The following GRIP1 variants were observed in gnomAD, a reference collection of about 807,000 sequenced individuals.
GRIP1 encodes glutamate receptor-interacting protein 1.
Under a neutral mutation model 129.9 loss-of-function variants are expected in GRIP1, and 45 were observed. That is an observed-to-expected ratio of 0.35 (90% confidence interval 0.27 to 0.44). The LOEUF (loss-of-function observed/expected upper bound fraction) is 0.44, where lower values mean the gene tolerates loss of function less well. GRIP1 is among the 20% of genes least tolerant of loss of function. GRIP1 has a pLI of 1.00. For synonymous variants in GRIP1, 530 were observed against 520.8 expected, an observed-to-expected ratio of 1.02 and a Z score of -0.24; for missense variants, 1,196 against 1,396.8, an observed-to-expected ratio of 0.86 and a Z score of 2.29.
intron 2 of GRIP1, among the ~76,000 whole-genome samples, chr12:66,562,470 C>T (rs559659818): frequency 1.2e-4 from 19 of 152,190 alleles, no homozygotes; most frequent in Admixed American, 6.5e-4. Flanking sequence ...CTTTATGAAG[C>T]TTGAAGAAAT....
chr12:66,735,127 G>A (rs190613868), intron 1 of GRIP1, among the ~76,000 whole-genome samples: 2 of 152,218 alleles, frequency 1.3e-5, no homozygotes, highest in Non-Finnish European at 2.9e-5. Flanking sequence ...CAGCAGTGAT[G>A]GGAAGCAAAA....
intron 1 of GRIP1, among the ~76,000 whole-genome samples, chr12:66,941,470 T>C (rs148601485): frequency 1.8e-3 from 280 of 152,286 alleles, no homozygotes; most frequent in African/African-American, 6.2e-3. Flanking sequence ...TTACGATGAA[T>C]CTAAATCTTG....
chr12:66,389,418 G>A (rs1275742189), intron 19 of GRIP1, among the ~76,000 whole-genome samples: 1 of 151,986 alleles, frequency 6.6e-6, no homozygotes, highest in African/African-American at 2.4e-5. Flanking sequence ...AGTAGAGATG[G>A]GGTTTCGCCA....
chr12:66,472,070 G>A (rs964277874), intron 7 of GRIP1, among the ~76,000 whole-genome samples: 1 of 152,190 alleles, frequency 6.6e-6, no homozygotes, highest in African/African-American at 2.4e-5. Context: ...AGATCCATAT[G>A]CTTTGGGCAT....
intron 1 of GRIP1, among the ~76,000 whole-genome samples, chr12:67,052,853 T>C (rs1056714644): frequency 2.0e-5 from 3 of 152,092 alleles, no homozygotes; most frequent in African/African-American, 7.2e-5. Flanking sequence ...ACTATGGTTA[T>C]TTTACAAAGG....
At chr12:66,438,686 G>A (rs947436076) in intron 13 of GRIP1, among the ~76,000 whole-genome samples, 1 of 152,026 alleles carries the variant, frequency 6.6e-6, no homozygotes, top group Non-Finnish European at 1.5e-5. Flanking sequence ...AGTAGAGACA[G>A]GGTTTCACCA....
At position 66,353,548 on chromosome 12, in the gene GRIP1, C is replaced by G; in HGVS notation, c.3028G>C (p.Asp1010His). ...VELHKVTLYK[D>H]SDMEDFGFSV... Reference sequence around the variant, plus strand: ...AACCCAAAGTCCTCCATGTCAGAGTCCTTGTACAAGGTCACCTGAAGAGAG... The same window carrying G: ...AACCCAAAGTCCTCCATGTCAGAGTGCTTGTACAAGGTCACCTGAAGAGAG... Residue 1010 changes from aspartate to histidine, a missense_variant, in exon 24 of 25, where the codon GAC becomes CAC. Asp to His is a moderately conservative substitution (Grantham distance 81). Around this residue, in one of 5 missense-constraint regions of GRIP1, gnomAD observed 427 missense variants for 463.3 expected, o/e 0.92. Transcript: ENST00000359742. 1 of 1,614,000 alleles carries G rather than the reference C, an allele frequency of 6.2e-7. No individual in the cohort carries two copies. Among genetic ancestry groups the G allele is most frequent in the Non-Finnish European group, 8.5e-7 (1 of 1,179,896 alleles).
intron 1 of GRIP1, among the ~76,000 whole-genome samples, chr12:66,837,972 T>C (rs966403372): frequency 6.6e-6 from 1 of 152,140 alleles, no homozygotes; most frequent in African/African-American, 2.4e-5. Context: ...GGTGGGCGGA[T>C]CACCTGAGGT....
intron 1 of GRIP1, among the ~76,000 whole-genome samples, chr12:66,992,850 T>C (rs915819335): frequency 2.0e-5 from 3 of 152,218 alleles, no homozygotes; most frequent in African/African-American, 4.8e-5. Flanking sequence ...TGGTAGCTCT[T>C]ACCTATAATC....
intron 1 of GRIP1, among the ~76,000 whole-genome samples, chr12:66,971,253 T>C (rs71452331): frequency 0.058 from 8,888 of 152,180 alleles, 349 homozygotes; most frequent in Non-Finnish European, 0.088. Context: ...TGCCCTGAGA[T>C]TGCTGACAGT....
At chr12:66,934,163 T>G (rs1218090117) in intron 1 of GRIP1, among the ~76,000 whole-genome samples, 1 of 152,212 alleles carries the variant, frequency 6.6e-6, no homozygotes, top group Non-Finnish European at 1.5e-5. Context: ...TCAGGTCATT[T>G]CTTACAACTC....
chr12:66,906,022 GA>G (rs1305567595), intron 1 of GRIP1, among the ~76,000 whole-genome samples: 1 of 152,050 alleles, frequency 6.6e-6, no homozygotes, highest in Non-Finnish European at 1.5e-5. Flanking sequence ...TAAATCATAA[GA>G]AAAAAAGGAT....
At chr12:66,743,277 G>A (rs2036844198) in intron 1 of GRIP1, among the ~76,000 whole-genome samples, 1 of 152,018 alleles carries the variant, frequency 6.6e-6, no homozygotes, top group African/African-American at 2.4e-5. Context: ...ATATGTTGGG[G>A]TAGAAACAAT....
intron 1 of GRIP1, among the ~76,000 whole-genome samples, chr12:66,874,627 GCC>G (rs2040352764): frequency 1.3e-5 from 2 of 152,114 alleles, no homozygotes; most frequent in Non-Finnish European, 2.9e-5. Flanking sequence ...ACTTCACATG[GCC>G]GGAGCAGAAG....
At chr12:66,813,645 G>A (rs2039148273) in intron 1 of GRIP1, among the ~76,000 whole-genome samples, 1 of 152,112 alleles carries the variant, frequency 6.6e-6, no homozygotes, top group Non-Finnish European at 1.5e-5. Flanking sequence ...AAGGTGTGGG[G>A]GCAGTACCTT....
chr12:66,598,640 C>T (rs1202834003), intron 1 of GRIP1, among the ~76,000 whole-genome samples: 6 of 152,198 alleles, frequency 3.9e-5, no homozygotes, highest in Non-Finnish European at 8.8e-5. Context: ...CTTCATTTAG[C>T]ACCTTTTAAA....
intron 1 of GRIP1, among the ~76,000 whole-genome samples, chr12:66,769,793 C>A (rs1231089194): frequency 1.3e-5 from 2 of 152,092 alleles, no homozygotes; most frequent in East Asian, 1.9e-4. Context: ...ACCTCTACAC[C>A]TCTTGAACTC....
At chr12:66,550,767 A>G (rs1233833074) in intron 2 of GRIP1, among the ~76,000 whole-genome samples, 1 of 152,192 alleles carries the variant, frequency 6.6e-6, no homozygotes, top group Non-Finnish European at 1.5e-5. Flanking sequence ...CAATCATCTG[A>G]TAGTCTAAAT....
At chr12:66,933,256 T>C (rs1322825815) in intron 1 of GRIP1, among the ~76,000 whole-genome samples, 4 of 152,194 alleles carry the variant, frequency 2.6e-5, no homozygotes, top group Non-Finnish European at 5.9e-5. Context: ...TATGTACCTC[T>C]TCCCAGAGGA....
Sources: gnomAD v4.1 joint callset for allele counts (sites outside exome capture counted in the v4.1 genomes callset) on GRCh38, gnomAD v4.1.1 for gene constraint, gnomAD v4.1.1 regional missense constraint, MANE v1.5 for transcripts, NCBI Gene and HGNC (gene_info 2026-07-23, HGNC 2026-07-21) for gene names.